PRKG1: variants seen among roughly 807,000 people sequenced by gnomAD.
The protein encoded by PRKG1 is protein kinase cGMP-dependent 1.
Under a neutral mutation model 88.1 loss-of-function variants are expected in PRKG1, and 35 were observed. The ratio of observed to expected loss-of-function variants is 0.40; its 90% CI spans 0.30 to 0.53. The LOEUF (loss-of-function observed/expected upper bound fraction) is 0.53. PRKG1 is among the 20% of genes least tolerant of loss of function. The probability of loss-of-function intolerance (pLI) is 0.59; values close to 1 mark genes in which losing one functional copy is unlikely to be tolerated. For missense variants in PRKG1, 540 were observed against 839.8 expected (o/e 0.64, Z 4.41); for synonymous variants, 303 against 292.5 (o/e 1.04, Z -0.37).
intron 4 of PRKG1, among the ~76,000 whole-genome samples, chr10:51,886,904 C>A (rs912157673): frequency 6.6e-6 from 1 of 152,172 alleles, no homozygotes; most frequent in Non-Finnish European, 1.5e-5. Flanking sequence ...TCACATCTCT[C>A]AGTACTGTAT....
intron 9 of PRKG1, among the ~76,000 whole-genome samples, chr10:52,229,314 C>T (rs1840469121): frequency 6.6e-6 from 1 of 152,170 alleles, no homozygotes; most frequent in Non-Finnish European, 1.5e-5. Flanking sequence ...CTGAAAGGTA[C>T]ACTTACAAAT....
intron 2 of PRKG1, among the ~76,000 whole-genome samples, chr10:51,313,774 C>T (rs1317791710): frequency 6.6e-6 from 1 of 152,154 alleles, no homozygotes; most frequent in Non-Finnish European, 1.5e-5. Flanking sequence ...AAACGTCCTC[C>T]TGTATACCTT....
chr10:51,885,394 C>T (rs1316294991), intron 4 of PRKG1, among the ~76,000 whole-genome samples: 1 of 152,226 alleles, frequency 6.6e-6, no homozygotes, highest in African/African-American at 2.4e-5. Context: ...TGTATTTTCT[C>T]ATGTAATTGG....
intron 9 of PRKG1, among the ~76,000 whole-genome samples, chr10:52,216,754 A>T (rs1173729826): frequency 1.3e-5 from 2 of 152,150 alleles, no homozygotes; most frequent in African/African-American, 4.8e-5. Context: ...TCAGTTTGTT[A>T]TCTTTTTCTG....
chr10:51,634,386 G>A (rs563732133), intron 3 of PRKG1, among the ~76,000 whole-genome samples: 2 of 152,156 alleles, frequency 1.3e-5, no homozygotes, highest in East Asian at 3.9e-4. Flanking sequence ...TAGGGCCAAA[G>A]GGACCTCAAA....
chr10:51,897,950 G>T (rs140340775), intron 4 of PRKG1, among the ~76,000 whole-genome samples: 1 of 151,794 alleles, frequency 6.6e-6, no homozygotes. Flanking sequence ...TCAGAATAAA[G>T]CTAAGCTCTT....
chr10:51,987,917 A>G (rs1400875135), intron 5 of PRKG1, among the ~76,000 whole-genome samples: 2 of 152,098 alleles, frequency 1.3e-5, no homozygotes, highest in African/African-American at 4.8e-5. Context: ...TACAAAAATA[A>G]TATAAAAACA....
chr10:51,314,859 A>C (rs1841279884), intron 2 of PRKG1, among the ~76,000 whole-genome samples: 2 of 152,192 alleles, frequency 1.3e-5, no homozygotes, highest in South Asian at 4.1e-4. Context: ...TGAGAGAGCT[A>C]GCAGGCCCTC....
chr10:52,022,117 C>T (rs1380388466), intron 5 of PRKG1, among the ~76,000 whole-genome samples: 2 of 152,138 alleles, frequency 1.3e-5, no homozygotes, highest in African/African-American at 4.8e-5. Flanking sequence ...TCCAAGTCAG[C>T]CATTAGGGTA....
chr10:52,019,720 C>G (rs10823973), intron 5 of PRKG1, among the ~76,000 whole-genome samples: 65,530 of 152,074 alleles, frequency 0.43, 15,029 homozygotes, highest in East Asian at 0.6. Context: ...AGCTTATACT[C>G]TTAGCCATAA....
intron 7 of PRKG1, among the ~76,000 whole-genome samples, chr10:52,107,285 G>A (rs905173197): frequency 2.4e-4 from 37 of 152,188 alleles, no homozygotes; most frequent in African/African-American, 7.7e-4. Context: ...TTTTGAGAAA[G>A]AAGTACATTT....
chr10:51,736,802 CT>C (rs1204738786), intron 3 of PRKG1, among the ~76,000 whole-genome samples: 136 of 145,582 alleles, frequency 9.3e-4, no homozygotes, highest in Admixed American at 1.5e-3. Context: ...CTAATTTTAA[CT>C]TTTTTTTTTT....
At chr10:52,233,141 C>T (rs1840566484) in intron 9 of PRKG1, among the ~76,000 whole-genome samples, 1 of 148,776 alleles carries the variant, frequency 6.7e-6, no homozygotes, top group Non-Finnish European at 1.5e-5. Context: ...TAGTTATTAA[C>T]TCTTGAGACA....
At chr10:51,360,851 G>T (rs981487353) in intron 2 of PRKG1, among the ~76,000 whole-genome samples, 2 of 151,808 alleles carry the variant, frequency 1.3e-5, no homozygotes, top group Non-Finnish European at 2.9e-5. Context: ...GGCCATAGAG[G>T]TGAGATTTGT....
At chr10:51,349,339 T>C (rs142813747) in intron 2 of PRKG1, among the ~76,000 whole-genome samples, 1 of 152,152 alleles carries the variant, frequency 6.6e-6, no homozygotes, top group African/African-American at 2.4e-5. Flanking sequence ...GACCTAATTG[T>C]AAAAGCATAG....
At chr10:51,055,313 T>G (rs1427718234) in intron 1 of PRKG1, among the ~76,000 whole-genome samples, 1 of 152,086 alleles carries the variant, frequency 6.6e-6, no homozygotes, top group African/African-American at 2.4e-5. Flanking sequence ...GGCTGATGCC[T>G]CCAGCAGATT....
At chr10:52,104,695 A>G (rs1847373833) in intron 7 of PRKG1, among the ~76,000 whole-genome samples, 1 of 152,222 alleles carries the variant, frequency 6.6e-6, no homozygotes, top group Non-Finnish European at 1.5e-5. Flanking sequence ...TCTGTCTTTA[A>G]GATATAGTTC....
chr10:51,040,020 A>G (rs1230769369), intron 1 of PRKG1, among the ~76,000 whole-genome samples: 1 of 151,950 alleles, frequency 6.6e-6, no homozygotes, highest in Admixed American at 6.6e-5. Flanking sequence ...TATGCCTCCA[A>G]TTTTGTTCTT....
intron 3 of PRKG1, among the ~76,000 whole-genome samples, chr10:51,500,919 T>C (rs1294572941): frequency 6.6e-6 from 1 of 152,210 alleles, no homozygotes; most frequent in Non-Finnish European, 1.5e-5. Flanking sequence ...ATTTATTAGG[T>C]TGATGCAAAA....
Sources: gnomAD v4.1 joint callset for allele counts (sites outside exome capture counted in the v4.1 genomes callset) on GRCh38, gnomAD v4.1.1 for gene constraint, MANE v1.5 for transcripts, NCBI Gene and HGNC (gene_info 2026-07-23, HGNC 2026-07-21) for gene names.